SP140: variants seen among roughly 807,000 people sequenced by gnomAD.
The protein encoded by SP140 is SP140 nuclear body protein, also known as nuclear body protein SP140.
In SP140, 81 loss-of-function variants were observed where a neutral mutation model predicts 125.0. The observed-to-expected ratio is 0.65, with a 90% confidence interval of 0.54 to 0.78. SP140 has a LOEUF of 0.78. Among genes scored for constraint, SP140 ranks in the 30% least tolerant of loss-of-function variants. The pLI is 0.00. For synonymous variants in SP140, 312 were observed against 354.0 expected (o/e 0.88, Z 1.33); for missense variants, 858 against 1,037.0 (o/e 0.83, Z 2.37).
At chr2:230,266,983 A>G (rs900678925) in intron 12 of SP140, among the ~76,000 whole-genome samples, 2 of 152,174 alleles carry the variant, frequency 1.3e-5, no homozygotes, top group African/African-American at 4.8e-5. Context: ...ATATCTCATT[A>G]TGTTCACAGT....
chr2:230,248,974 T>G lies in SP140; in HGVS notation c.976+6T>G. 6.2e-7 allele frequency: 1 copy of G among 1,602,548 alleles called. No individual in the cohort carries two copies. Among genetic ancestry groups the G allele is most frequent in the South Asian group, 1.1e-5 (1 of 90,526 alleles). On this transcript the variant is annotated splice_donor_region_variant and intron_variant, in intron 9 of 26. Coordinates refer to ENST00000392045, the MANE Select transcript of SP140 (RefSeq NM_007237.5). Reference sequence around the variant, plus strand: ...ACTACCAGGTGAAGGAGAAGGTAATTATGATTTAAGTTTTTAAATATTTGA... The same window carrying G: ...ACTACCAGGTGAAGGAGAAGGTAATGATGATTTAAGTTTTTAAATATTTGA...
At chr2:230,195,002 G>A in the SP140 span, among the ~76,000 whole-genome samples, 1 of 152,020 alleles carries the variant, frequency 6.6e-6, no homozygotes, top group Non-Finnish European at 1.5e-5. Flanking sequence ...TGAGGGGCCT[G>A]ATAAACACCA....
chr2:230,254,155 G>T (rs1173324106), intron 11 of SP140, among the ~76,000 whole-genome samples: 1 of 152,118 alleles, frequency 6.6e-6, no homozygotes, highest in African/African-American at 2.4e-5. Flanking sequence ...AATGTTGGAA[G>T]GAAGCACAGA....
intron 12 of SP140, among the ~76,000 whole-genome samples, chr2:230,258,922 C>G (rs1302919665): frequency 6.7e-6 from 1 of 149,776 alleles, no homozygotes; most frequent in Non-Finnish European, 1.5e-5. Context: ...TAAACGGGAA[C>G]AGAGTTAAAG....
At chr2:230,238,777 T>G (rs2048323356) in intron 3 of SP140, 1 of 1,551,910 alleles carries the variant, frequency 6.4e-7, no homozygotes. Context: ...TATCATCCAG[T>G]GCAGTCCTGT....
intron 23 of SP140, chr2:230,310,260 G>C (rs746310382): frequency 1.4e-4 from 78 of 560,798 alleles, no homozygotes; most frequent in Non-Finnish European, 2.2e-4. Context: ...TATGCTGAGG[G>C]CAGTGTTGGG....
At position 230,312,724 on chromosome 2, in the gene SP140, C is replaced by T. The variant is rs1559386279; in HGVS notation, c.*40C>T. 1 of 1,446,980 alleles carries T rather than the reference C, an allele frequency of 6.9e-7. No individual in the cohort carries two copies. The highest frequency in any genetic ancestry group is 1.1e-5 in the South Asian group (1 of 87,378). 89.6% of individuals were successfully genotyped at this position (1,446,980 alleles called of 1,614,324 possible). ...GCTGAAAGCATTCAGCAAATGGCACCCTAAAATATGCCGCTGGTTTGCCAC... is the reference window on the plus strand; with the variant it reads ...GCTGAAAGCATTCAGCAAATGGCACTCTAAAATATGCCGCTGGTTTGCCAC... On this transcript the variant is annotated 3_prime_UTR_variant, in exon 27 of 27. Transcript: ENST00000392045.
upstream of SP140, chr2:230,200,945 C>T (rs2043122294): frequency 6.2e-7 from 1 of 1,613,490 alleles, no homozygotes; most frequent in South Asian, 1.1e-5. Flanking sequence ...TCATTCATTT[C>T]TGAAGTGCCA....
intron 22 of SP140, among the ~76,000 whole-genome samples, chr2:230,308,743 C>T (rs979684502): frequency 2.6e-5 from 4 of 152,236 alleles, no homozygotes; most frequent in African/African-American, 9.6e-5. Context: ...GCAAGCGGTC[C>T]TCTTGATCAG....
Position 230,269,889 on chromosome 2 carries a change from C to T in SP140, c.1380C>T (p.Phe460=). Residue 460 remains phenylalanine, a synonymous_variant, in exon 14 of 27, where the codon TTC becomes TTT. Coordinates refer to ENST00000392045, the MANE Select transcript of SP140 (RefSeq NM_007237.5). Reference sequence around the variant, plus strand: ...AGAAGTGTTCCTGTGTCATGTGTTTCTCAGAAGAGGTGCCAGGAAGCCCAG... The same window carrying T: ...AGAAGTGTTCCTGTGTCATGTGTTTTTCAGAAGAGGTGCCAGGAAGCCCAG... ...ENEKCSCVMC[F]SEEVPGSPEA... is the part of the protein sequence containing the mutation. 1 of 1,614,068 alleles carries T rather than the reference C, an allele frequency of 6.2e-7. No homozygotes were observed.
At chr2:230,226,015 G>A (rs1246759434) in intron 1 of SP140, 112 bp downstream of exon 1, 1 of 809,026 alleles carries the variant, frequency 1.2e-6, no homozygotes, top group African/African-American at 1.7e-5. Flanking sequence ...ATAGAATTCA[G>A]TTACAAATAA....
chr2:230,310,927 G>A lies in SP140; in HGVS notation c.2283+76G>A, dbSNP rs1264796870. 26 of 748,750 alleles carry A rather than the reference G, an allele frequency of 3.5e-5. 1 individual carries two copies. Among genetic ancestry groups the A allele is most frequent in the South Asian group, 2.5e-4 (13 of 52,582 alleles). 46.4% of individuals were successfully genotyped at this position (748,750 alleles called of 1,614,324 possible). On this transcript the variant is annotated intron_variant, in intron 24 of 26. Coordinates refer to ENST00000392045, the MANE Select transcript of SP140 (RefSeq NM_007237.5). Reference sequence around the variant, plus strand: ...ACCATGAACAAGCGCAAGGGCAGGGGAATGTACTGAAAGGAGCCTGCTCTT... The same window carrying A: ...ACCATGAACAAGCGCAAGGGCAGGGAAATGTACTGAAAGGAGCCTGCTCTT...
At chr2:230,215,078 C>T (rs773795078) in intron 3 of SP140, 1 of 1,613,954 alleles carries the variant, frequency 6.2e-7, no homozygotes, top group South Asian at 1.1e-5. Flanking sequence ...GTGCACCACT[C>T]TGGATACAGG....
intron 15 of SP140, among the ~76,000 whole-genome samples, chr2:230,278,669 T>G (rs1249079220): frequency 6.6e-6 from 1 of 152,120 alleles, no homozygotes; most frequent in African/African-American, 2.4e-5. Context: ...TGAGTTAATT[T>G]TTGTATATGG....
intron 1 of SP140, among the ~76,000 whole-genome samples, chr2:230,230,248 G>C (rs1233487814): frequency 6.6e-6 from 1 of 152,178 alleles, no homozygotes; most frequent in African/African-American, 2.4e-5. Context: ...GAAATCACAG[G>C]GGGTTGAAGC....
intron 15 of SP140, among the ~76,000 whole-genome samples, chr2:230,273,832 C>T (rs2054306806): frequency 6.6e-6 from 1 of 152,092 alleles, no homozygotes; most frequent in Non-Finnish European, 1.5e-5. Context: ...TTATCCTTAG[C>T]AAACTAATGC....
intron 12 of SP140, among the ~76,000 whole-genome samples, chr2:230,265,824 A>T (rs1240095936): frequency 2.0e-5 from 3 of 151,944 alleles, no homozygotes; most frequent in Non-Finnish European, 4.4e-5. Context: ...CTGCAGGTGC[A>T]ATCTGCTTCC....
At chr2:230,207,809 C>T (rs60345907) in intron 1 of SP140, among the ~76,000 whole-genome samples, 3,006 of 152,250 alleles carry the variant, frequency 0.02, 102 homozygotes, top group African/African-American at 0.068. Flanking sequence ...CATTCTTTCC[C>T]AGCTCCAACT....
intron 18 of SP140, among the ~76,000 whole-genome samples, chr2:230,288,668 G>A (rs1161895212): frequency 1.3e-5 from 2 of 151,932 alleles, no homozygotes; most frequent in African/African-American, 4.8e-5. Context: ...CTGTCCCTGT[G>A]TCCATGTGTC....
Sources: gnomAD v4.1 joint callset for allele counts (sites outside exome capture counted in the v4.1 genomes callset) on GRCh38, gnomAD v4.1.1 for gene constraint, MANE v1.5 for transcripts, NCBI Gene and HGNC (gene_info 2026-07-23, HGNC 2026-07-21) for gene names.